Variants in ACBD6 observed in about 807,000 individuals in gnomAD.
ACBD6 encodes acyl-CoA-binding domain-containing protein 6.
In ACBD6, 28 loss-of-function variants were observed where a neutral mutation model predicts 37.2. That is an observed-to-expected ratio of 0.75 (90% confidence interval 0.56 to 1.03). The LOEUF (loss-of-function observed/expected upper bound fraction) is 1.03, where lower values mean the gene tolerates loss of function less well. Ranked by LOEUF, ACBD6 falls within the 50% of genes least tolerant of loss-of-function variation. The pLI, the probability that ACBD6 is intolerant of heterozygous loss-of-function variation, is 0.00. For synonymous variants in ACBD6, 113 were observed against 126.8 expected, an observed-to-expected ratio of 0.89 and a Z score of 0.73; for missense variants, 340 against 337.4, an observed-to-expected ratio of 1.01 and a Z score of -0.06.
At chr1:180,415,587 A>G (rs1307570212) in intron 4 of ACBD6, among the ~76,000 whole-genome samples, 1 of 152,194 alleles carries the variant, frequency 6.6e-6, no homozygotes, top group African/African-American at 2.4e-5. Flanking sequence ...GCAATACTAC[A>G]GTGCTACTCG....
intron 7 of ACBD6, among the ~76,000 whole-genome samples, chr1:180,291,418 T>A (rs781064014): frequency 6.6e-6 from 1 of 152,230 alleles, no homozygotes; most frequent in African/African-American, 2.4e-5. Context: ...TAGTTAGGTC[T>A]ATGGTGGCTT....
At chr1:180,443,116 T>C (rs911160198) in intron 3 of ACBD6, among the ~76,000 whole-genome samples, 4 of 152,246 alleles carry the variant, frequency 2.6e-5, no homozygotes, top group Non-Finnish European at 5.9e-5. Context: ...TGTTGGACTT[T>C]GTTTTGGCAT....
chr1:180,463,598 CA>C (rs1650234304), intron 3 of ACBD6, among the ~76,000 whole-genome samples: 1 of 152,050 alleles, frequency 6.6e-6, no homozygotes, highest in Non-Finnish European at 1.5e-5. Context: ...CAGGACCAGA[CA>C]GATTCACAGC....
At chr1:180,418,293 T>G (rs1216012869) in intron 4 of ACBD6, among the ~76,000 whole-genome samples, 3 of 152,132 alleles carry the variant, frequency 2.0e-5, no homozygotes, top group Non-Finnish European at 1.5e-5. Flanking sequence ...AAGACTTATA[T>G]GAGGAAGTGT....
At chr1:180,479,785 C>T (rs1228319897) in intron 3 of ACBD6, among the ~76,000 whole-genome samples, 1 of 151,806 alleles carries the variant, frequency 6.6e-6, no homozygotes, top group Non-Finnish European at 1.5e-5. Flanking sequence ...TCCAGGAGTT[C>T]GAGACTGGCC....
At chr1:180,465,653 A>T (rs1557882134) in intron 3 of ACBD6, among the ~76,000 whole-genome samples, 1 of 152,160 alleles carries the variant, frequency 6.6e-6, no homozygotes, top group South Asian at 2.1e-4. Context: ...CAGTAATCTC[A>T]TTACTGGGTA....
intron 5 of ACBD6, among the ~76,000 whole-genome samples, chr1:180,403,933 G>C (rs986769866): frequency 2.6e-5 from 4 of 151,992 alleles, no homozygotes; most frequent in African/African-American, 7.3e-5. Context: ...GGAGGAATGG[G>C]GGGTGTTTAA....
intron 7 of ACBD6, among the ~76,000 whole-genome samples, chr1:180,298,429 T>C (rs531939430): frequency 2.6e-5 from 4 of 152,242 alleles, no homozygotes; most frequent in South Asian, 2.1e-4. Flanking sequence ...CAGGGCTAAG[T>C]AGATGTGTGC....
chr1:180,468,472 G>A (rs1650437687), intron 3 of ACBD6, among the ~76,000 whole-genome samples: 1 of 152,214 alleles, frequency 6.6e-6, no homozygotes, highest in Non-Finnish European at 1.5e-5. Flanking sequence ...CTAAAGATGC[G>A]TGACTGGGTT....
intron 6 of ACBD6, among the ~76,000 whole-genome samples, chr1:180,382,767 G>C (rs1312982686): frequency 6.6e-6 from 1 of 152,064 alleles, no homozygotes; most frequent in Non-Finnish European, 1.5e-5. Context: ...GAAAACTACA[G>C]GCCAATATCC....
chr1:180,297,721 G>A (rs573706221), intron 7 of ACBD6, among the ~76,000 whole-genome samples: 2 of 152,220 alleles, frequency 1.3e-5, no homozygotes, highest in Admixed American at 6.5e-5. Context: ...CTTTAAAATT[G>A]CCTCCCAAAA....
At chr1:180,418,114 T>C (rs1648176347) in intron 4 of ACBD6, among the ~76,000 whole-genome samples, 1 of 152,024 alleles carries the variant, frequency 6.6e-6, no homozygotes, top group Non-Finnish European at 1.5e-5. Flanking sequence ...ATATAATCTT[T>C]ATCTGATGAA....
chr1:180,372,054 A>C (rs1216081949), intron 6 of ACBD6, among the ~76,000 whole-genome samples: 1 of 152,188 alleles, frequency 6.6e-6, no homozygotes, highest in Non-Finnish European at 1.5e-5. Flanking sequence ...GTGTTATACT[A>C]ATTAAGTTAC....
chr1:180,280,045 C>T (rs968144974), intron 9 of ACBD6, among the ~76,000 whole-genome samples: 1 of 152,134 alleles, frequency 6.6e-6, no homozygotes. Context: ...AGTTTAGTTC[C>T]TTACACTAGA....
At chr1:180,422,361 A>T (rs2101986429) in intron 4 of ACBD6, among the ~76,000 whole-genome samples, 1 of 151,948 alleles carries the variant, frequency 6.6e-6, no homozygotes, top group East Asian at 1.9e-4. Context: ...GCACACCACC[A>T]CTCACGGCTA....
chr1:180,449,922 TA>T (rs149873580), intron 3 of ACBD6, among the ~76,000 whole-genome samples: 14 of 137,874 alleles, frequency 1.0e-4, no homozygotes, highest in Admixed American at 3.6e-4. Flanking sequence ...AAAAAAAACT[TA>T]AAAAAAAAAG....
At chr1:180,321,687 T>C (rs1195791601) in intron 6 of ACBD6, among the ~76,000 whole-genome samples, 1 of 152,084 alleles carries the variant, frequency 6.6e-6, no homozygotes, top group Non-Finnish European at 1.5e-5. Flanking sequence ...AAAAAAGAAA[T>C]GCTACTGATT....
chr1:180,330,449 A>C (rs796806468), intron 6 of ACBD6, among the ~76,000 whole-genome samples: 5 of 151,538 alleles, frequency 3.3e-5, no homozygotes, highest in East Asian at 3.9e-4. Flanking sequence ...AACAAACAAA[A>C]AAACCAAACC....
At chr1:180,493,036 GT>G (rs1651567942) in intron 2 of ACBD6, among the ~76,000 whole-genome samples, 1 of 151,810 alleles carries the variant, frequency 6.6e-6, no homozygotes, top group Admixed American at 6.6e-5. Context: ...ACCACCTGAG[GT>G]CAGGAGTTTG....
Sources: gnomAD v4.1 joint callset for allele counts (sites outside exome capture counted in the v4.1 genomes callset) on GRCh38, gnomAD v4.1.1 for gene constraint, MANE v1.5 for transcripts, NCBI Gene and HGNC (gene_info 2026-07-23, HGNC 2026-07-21) for gene names.